Variants in PTN observed in about 807,000 individuals in gnomAD.
PTN encodes the protein pleiotrophin.
PTN carries 18 observed loss-of-function variants against 24.1 expected under a neutral mutation model. The observed-to-expected ratio is 0.75, with a 90% CI of 0.52 to 1.11. The LOEUF (loss-of-function observed/expected upper bound fraction) is 1.11, where lower values mean the gene tolerates loss of function less well. Among genes scored for constraint, PTN ranks in the 50% least tolerant of loss-of-function variants. The pLI is 0.00. For synonymous variants in PTN, 78 were observed against 68.6 expected, an observed-to-expected ratio of 1.14 and a Z score of -0.67; for missense variants, 163 against 198.8, an observed-to-expected ratio of 0.82 and a Z score of 1.08.
At chr7:137,311,231 CAAAAAAAAA>C (rs35319700) in intron 1 of PTN, among the ~76,000 whole-genome samples, 7 of 101,610 alleles carry the variant, frequency 6.9e-5, no homozygotes, top group Admixed American at 5.2e-4. Context: ...GACTCCATTT[CAAAAAAAAA>C]AAAAAAAAAA....
intron 4 of PTN, among the ~76,000 whole-genome samples, chr7:137,238,450 A>G (rs1808562500): frequency 1.3e-5 from 2 of 152,232 alleles, no homozygotes; most frequent in South Asian, 4.1e-4. Context: ...TTTTTATACA[A>G]AGACAAGCTC....
intron 1 of PTN, among the ~76,000 whole-genome samples, chr7:137,260,119 G>A (rs917672950): frequency 5.3e-5 from 8 of 152,034 alleles, no homozygotes; most frequent in African/African-American, 1.9e-4. Context: ...TCAATACCTG[G>A]GGATGTGTAA....
chr7:137,332,030 T>C (rs1017242449), intron 1 of PTN, among the ~76,000 whole-genome samples: 5 of 152,256 alleles, frequency 3.3e-5, no homozygotes, highest in Admixed American at 2.0e-4. Flanking sequence ...TTTATGATTC[T>C]AATTTACCCA....
intron 1 of PTN, among the ~76,000 whole-genome samples, chr7:137,324,434 AT>A (rs1342062039): frequency 4.0e-4 from 3 of 7,578 alleles, no homozygotes; most frequent in African/African-American, 4.6e-4. Flanking sequence ...AAAAAAAAAA[AT>A]ATATATATAT....
chr7:137,325,192 G>A (rs897550926), intron 1 of PTN, among the ~76,000 whole-genome samples: 1 of 152,164 alleles, frequency 6.6e-6, no homozygotes. Context: ...TCTTAGAAAA[G>A]ATCTTGTCTG....
chr7:137,305,075 C>T (rs1340054085), intron 1 of PTN, among the ~76,000 whole-genome samples: 2 of 152,036 alleles, frequency 1.3e-5, no homozygotes, highest in African/African-American at 4.8e-5. Flanking sequence ...AGCCAATGTC[C>T]TCACGTTCAA....
At chr7:137,288,711 G>T (rs1809595788) in intron 1 of PTN, among the ~76,000 whole-genome samples, 1 of 152,140 alleles carries the variant, frequency 6.6e-6, no homozygotes, top group Non-Finnish European at 1.5e-5. Context: ...TTGGGGGGAA[G>T]AAACCTTTTA....
At chr7:137,256,489 C>T (rs1277460496) in intron 1 of PTN, among the ~76,000 whole-genome samples, 1 of 152,204 alleles carries the variant, frequency 6.6e-6, no homozygotes, top group African/African-American at 2.4e-5. Flanking sequence ...CTGCAAAGGA[C>T]ATGATCTCAT....
At chr7:137,342,653 A>C (rs2128884568) in intron 1 of PTN, among the ~76,000 whole-genome samples, 1 of 152,304 alleles carries the variant, frequency 6.6e-6, no homozygotes, top group South Asian at 2.1e-4. Flanking sequence ...TTCCTCTCAA[A>C]AAATGTTTTC....
intron 1 of PTN, among the ~76,000 whole-genome samples, chr7:137,264,522 G>A (rs187356106): frequency 9.2e-5 from 14 of 152,272 alleles, no homozygotes; most frequent in African/African-American, 2.9e-4. Context: ...AGGGGTTGGC[G>A]AAGCTGCTCC....
At chr7:137,287,764 C>T (rs899387081) in intron 1 of PTN, 3 of 151,854 alleles carry the variant, frequency 2.0e-5, no homozygotes, top group African/African-American at 4.8e-5. Context: ...GATATTGTGT[C>T]AAGAAAGAAT....
intron 1 of PTN, among the ~76,000 whole-genome samples, chr7:137,280,691 T>TAACAAAAAAAAAAAAAAAAAAAAAAAAAA (rs760779128): frequency 6.8e-5 from 1 of 14,754 alleles, no homozygotes; most frequent in African/African-American, 1.8e-4. Flanking sequence ...CCGTCTCTAC[T>TAACAAAAAAAAAAAAAAAAAAAAAAAAAA]AAAAATACAA....
chr7:137,250,603 A>T (rs1338786424), intron 4 of PTN, among the ~76,000 whole-genome samples: 23 of 152,216 alleles, frequency 1.5e-4, no homozygotes. Context: ...GGATCCTTGT[A>T]TGTATGAATT....
At chr7:137,318,549 T>TAAC (rs1214656271) in intron 1 of PTN, 1 of 152,240 alleles carries the variant, frequency 6.6e-6, no homozygotes, top group Non-Finnish European at 1.5e-5. Flanking sequence ...AAGTTTCATT[T>TAAC]AACTTTCTAT....
At chr7:137,234,181 G>A (rs1808480336) in intron 4 of PTN, among the ~76,000 whole-genome samples, 1 of 151,804 alleles carries the variant, frequency 6.6e-6, no homozygotes, top group Non-Finnish European at 1.5e-5. Flanking sequence ...ATGTGACCAA[G>A]TAATATTCCT....
intron 4 of PTN, among the ~76,000 whole-genome samples, chr7:137,233,031 C>T (rs1051695900): frequency 2.6e-5 from 4 of 151,756 alleles, no homozygotes; most frequent in Non-Finnish European, 5.9e-5. Flanking sequence ...CATAGCAGCA[C>T]GAGAATGGGC....
chr7:137,324,433 A>AAAAAAAAAAAAAAAAAAAAAATATATAT, intron 1 of PTN, among the ~76,000 whole-genome samples: 1 of 88,804 alleles, frequency 1.1e-5, no homozygotes, highest in African/African-American at 6.9e-5. Context: ...AAAAAAAAAA[A>AAAAAAAAAAAAAAAAAAAAAATATATAT]ATATATATAT....
At chr7:137,334,992 A>G (rs1324050193) in intron 1 of PTN, among the ~76,000 whole-genome samples, 2 of 135,652 alleles carry the variant, frequency 1.5e-5, no homozygotes, top group African/African-American at 2.8e-5. Context: ...GAATTGAACA[A>G]TGGGAACACA....
rs1271692843 is a variant in PTN at position 137,311,825 on chromosome 7, G to T, written c.-2+31614C>A. Among the ~76,000 whole-genome samples the T allele has an allele frequency of 5.5e-5, 7 of 128,354 alleles. 2 individuals are homozygous for T. Among genetic ancestry groups the T allele is most frequent in the African/African-American group, 3.6e-4 (7 of 19,494 alleles). The allele number at this position is 128,354 out of a possible 152,430, so 84.2% of individuals were successfully genotyped here. ...TCACAGATCACCATAAGGACATAATGGTAATAAAAATTTTGAAATATGGTA... is the reference window on the plus strand; with the variant it reads ...TCACAGATCACCATAAGGACATAATTGTAATAAAAATTTTGAAATATGGTA... On this transcript the variant is annotated intron_variant, in intron 1 of 4. Coordinates refer to ENST00000348225, the MANE Select transcript of PTN (RefSeq NM_002825.7).
Sources: allele counts gnomAD v4.1 joint callset (sites outside exome capture counted in the v4.1 genomes callset), GRCh38; gene constraint gnomAD v4.1.1; transcripts MANE v1.5; gene names NCBI Gene and HGNC (gene_info 2026-07-23, HGNC 2026-07-21).